Variants in ZMYM2 observed in about 807,000 individuals in gnomAD.
ZMYM2 encodes zinc finger MYM-type containing 2.
In ZMYM2, 56 loss-of-function variants were observed where a neutral mutation model predicts 162.8. That is an observed-to-expected ratio of 0.34 (90% CI 0.28 to 0.43). The LOEUF is 0.43. Among genes scored for constraint, ZMYM2 ranks in the 20% least tolerant of loss-of-function variants. The probability of loss-of-function intolerance (pLI) is 1.00; values close to 1 mark genes in which losing one functional copy is unlikely to be tolerated. For synonymous variants in ZMYM2, 510 were observed against 541.6 expected (o/e 0.94, Z 0.81); for missense variants, 1,275 against 1,621.8 (o/e 0.79, Z 3.67).
intron 2 of ZMYM2, 46 bp from the exon 3 acceptor site, chr13:19,993,017 A>G: frequency 1.3e-6 from 2 of 1,520,856 alleles, no homozygotes; most frequent in Admixed American, 2.3e-5. Context: ...GAGTAACATA[A>G]AAAGTCATAC....
chr13:20,026,608 T>C lies in ZMYM2; in HGVS notation c.1585-4T>C. On this transcript the variant is annotated splice_region_variant and splice_polypyrimidine_tract_variant and intron_variant, in intron 7 of 24. Transcript: ENST00000610343. Reference sequence around the variant, plus strand: ...AAATTATCTTTTTATGTTTCAAATTTTAGAAATATGGAAAACTGACAACTT... The same window carrying C: ...AAATTATCTTTTTATGTTTCAAATTCTAGAAATATGGAAAACTGACAACTT... The C allele has an allele frequency of 6.3e-7, 1 of 1,578,852 alleles. No individual in the cohort carries two copies. The highest frequency in any genetic ancestry group is 1.2e-5 in the South Asian group (1 of 84,368).
chr13:19,972,727 TA>T (rs1368207997), intron 2 of ZMYM2, among the ~76,000 whole-genome samples: 5 of 151,960 alleles, frequency 3.3e-5, no homozygotes, highest in East Asian at 1.9e-4. Context: ...ATATGCATAT[TA>T]TATATTTTAA....
At chr13:19,961,107 A>G (rs1955159814) in intron 2 of ZMYM2, among the ~76,000 whole-genome samples, 1 of 151,326 alleles carries the variant, frequency 6.6e-6, no homozygotes, top group Non-Finnish European at 1.5e-5. Context: ...TGCTAGCCCA[A>G]TTCTAAGGTT....
At chr13:20,043,561 G>C (rs1224102304) in intron 12 of ZMYM2, among the ~76,000 whole-genome samples, 2 of 152,008 alleles carry the variant, frequency 1.3e-5, no homozygotes, top group East Asian at 3.9e-4. Context: ...TTCTCAGAGG[G>C]CTCTTGGTCG....
the ZMYM2 span, among the ~76,000 whole-genome samples, chr13:19,935,896 T>C: frequency 6.6e-6 from 1 of 152,196 alleles, no homozygotes; most frequent in Non-Finnish European, 1.5e-5. Flanking sequence ...CAAAAACCAA[T>C]GAGCTGTGTG....
chr13:20,031,865 G>GGT (rs1953176173), intron 10 of ZMYM2, among the ~76,000 whole-genome samples: 1 of 130,274 alleles, frequency 7.7e-6, no homozygotes, highest in African/African-American at 2.9e-5. Flanking sequence ...TTCTGTAATT[G>GGT]TTTTTTTTTT....
intron 2 of ZMYM2, among the ~76,000 whole-genome samples, chr13:19,978,234 A>G (rs1956964838): frequency 6.6e-6 from 1 of 152,098 alleles, no homozygotes; most frequent in South Asian, 2.1e-4. Context: ...ACCCTTCCAA[A>G]AATGGATAGA....
chr13:20,031,444 T>C lies in ZMYM2; in HGVS notation c.1968+9T>C, dbSNP rs758223731. 3.2e-5 allele frequency: 49 copies of C among 1,554,396 alleles called. No homozygotes were observed. The highest frequency in any genetic ancestry group is 1.8e-4 in the Admixed American group (10 of 55,118). On this transcript the variant is annotated intron_variant, in intron 10 of 24. Coordinates refer to ENST00000610343, the MANE Select transcript of ZMYM2 (RefSeq NM_197968.4). ...AAATCCTGGAATGGGAGGCAAGTTGTATTTTGTAATGTGTGTTATCTAATG... is the reference window on the plus strand; with the variant it reads ...AAATCCTGGAATGGGAGGCAAGTTGCATTTTGTAATGTGTGTTATCTAATG...
At chr13:20,056,740 G>A (rs992736098) in intron 14 of ZMYM2, among the ~76,000 whole-genome samples, 1 of 152,156 alleles carries the variant, frequency 6.6e-6, no homozygotes, top group African/African-American at 2.4e-5. Flanking sequence ...GAGCATAGAA[G>A]GCTTTGGCAA....
chr13:19,886,376 C>T, the ZMYM2 span, among the ~76,000 whole-genome samples: 2 of 151,720 alleles, frequency 1.3e-5, no homozygotes, highest in African/African-American at 4.9e-5. Context: ...GTTGGTCAGG[C>T]TGGTCTCAAA....
the ZMYM2 span, among the ~76,000 whole-genome samples, chr13:19,906,284 GTATATATATATATATA>G: frequency 3.1e-3 from 198 of 63,786 alleles, 3 homozygotes; most frequent in Middle Eastern, 0.018. Flanking sequence ...TCAAAAAAAA[GTATATATATATATATA>G]TATATATATA....
At chr13:19,996,901 A>G (rs960981461) in intron 3 of ZMYM2, among the ~76,000 whole-genome samples, 1 of 152,134 alleles carries the variant, frequency 6.6e-6, no homozygotes, top group African/African-American at 2.4e-5. Flanking sequence ...AAATAAAGAA[A>G]GCTGAGCATG....
intron 3 of ZMYM2, among the ~76,000 whole-genome samples, chr13:19,994,207 A>T (rs990350556): frequency 6.6e-6 from 1 of 152,224 alleles, no homozygotes; most frequent in Non-Finnish European, 1.5e-5. Context: ...TTGGCCGGGC[A>T]CGGCGGCTCA....
intron 6 of ZMYM2, among the ~76,000 whole-genome samples, chr13:20,009,619 G>A (rs919316163): frequency 2.0e-5 from 3 of 152,052 alleles, no homozygotes; most frequent in South Asian, 2.1e-4. Context: ...CTATGAATTC[G>A]TATATTCTAG....
chr13:19,881,621 CAATAAAA>C, the ZMYM2 span, among the ~76,000 whole-genome samples: 20,714 of 150,410 alleles, frequency 0.14, 1,566 homozygotes, highest in Admixed American at 0.19. Context: ...GACTCAGTCT[CAATAAAA>C]AATAAAAAAT....
At chr13:19,952,866 TC>T in the ZMYM2 span, among the ~76,000 whole-genome samples, 2 of 152,126 alleles carry the variant, frequency 1.3e-5, no homozygotes, top group Non-Finnish European at 2.9e-5. Context: ...TGAATATTTG[TC>T]CCCTCCACAG....
At chr13:19,881,980 CAAAAAAAAA>C in the ZMYM2 span, among the ~76,000 whole-genome samples, 2 of 121,736 alleles carry the variant, frequency 1.6e-5, no homozygotes, top group African/African-American at 6.3e-5. Context: ...ACTCTGTATC[CAAAAAAAAA>C]AAAAAAAAAA....
chr13:19,911,518 G>A, the ZMYM2 span, among the ~76,000 whole-genome samples: 2 of 152,150 alleles, frequency 1.3e-5, no homozygotes, highest in African/African-American at 2.4e-5. Flanking sequence ...TTTTTATCGG[G>A]GTGACTATGT....
At chr13:19,985,235 C>T (rs1949036355) in intron 2 of ZMYM2, among the ~76,000 whole-genome samples, 1 of 152,122 alleles carries the variant, frequency 6.6e-6, no homozygotes, top group African/African-American at 2.4e-5. Flanking sequence ...GCGATCCTCC[C>T]ACCTCAGCCC....
Sources: allele counts gnomAD v4.1 joint callset (sites outside exome capture counted in the v4.1 genomes callset), GRCh38; gene constraint gnomAD v4.1.1; transcripts MANE v1.5; gene names NCBI Gene and HGNC (gene_info 2026-07-23, HGNC 2026-07-21).